Variants in AKAP13 observed in about 807,000 individuals in gnomAD.
AKAP13 encodes the protein A-kinase anchoring protein 13, also known as A-kinase anchor protein 13.
AKAP13 carries 80 observed loss-of-function variants against 264.5 expected under a neutral mutation model. The observed-to-expected ratio is 0.30, with a 90% confidence interval of 0.25 to 0.36. The LOEUF is 0.36. AKAP13 is among the 10% of genes least tolerant of loss of function. The pLI is 1.00. For missense variants in AKAP13, 3,712 were observed against 3,435.2 expected (o/e 1.08, Z -2.01); for synonymous variants, 1,380 against 1,250.2 (o/e 1.10, Z -2.19).
chr15:85,489,030 A>C (rs2075652427), intron 2 of AKAP13, among the ~76,000 whole-genome samples: 1 of 152,250 alleles, frequency 6.6e-6, no homozygotes, highest in South Asian at 2.1e-4. Flanking sequence ...TCTTGCCATC[A>C]TGGAGCCTGA....
chr15:85,436,820 G>C (rs949612206), intron 1 of AKAP13, among the ~76,000 whole-genome samples: 61 of 152,142 alleles, frequency 4.0e-4, no homozygotes, highest in African/African-American at 1.4e-3. Context: ...TCAAAGCAGT[G>C]TGTAGAGGGA....
chr15:85,645,400 T>G (rs2082507751), intron 9 of AKAP13, among the ~76,000 whole-genome samples: 1 of 152,186 alleles, frequency 6.6e-6, no homozygotes, highest in South Asian at 2.1e-4. Context: ...ACCTATAAGT[T>G]TAAAACAAAC....
Position 85,538,703 on chromosome 15 carries a change from A to G in AKAP13, c.478+4823A>G, listed in dbSNP as rs1177081568. 2.7e-5 allele frequency among the ~76,000 whole-genome samples: 4 copies of G among 150,900 alleles called. No homozygotes were observed. In the East Asian group the frequency reaches 7.8e-4, roughly 30 times the overall value. ...ACGGGGTTTCACTGTGTTAGCCAGGATGGTCTCGATCTCCTGACCTCGTGA... is the reference window on the plus strand; with the variant it reads ...ACGGGGTTTCACTGTGTTAGCCAGGGTGGTCTCGATCTCCTGACCTCGTGA... On this transcript the variant is annotated intron_variant, in intron 4 of 36. Transcript: ENST00000394518.
intron 8 of AKAP13, chr15:85,620,021 T>TG: frequency 6.5e-7 from 1 of 1,531,128 alleles, no homozygotes; most frequent in Non-Finnish European, 8.7e-7. Context: ...ACTAAGGACT[T>TG]GCACTGGTCC....
chr15:85,540,913 G>C (rs1227275013), intron 4 of AKAP13, among the ~76,000 whole-genome samples: 1 of 152,216 alleles, frequency 6.6e-6, no homozygotes, highest in Non-Finnish European at 1.5e-5. Context: ...TCTCAAACAT[G>C]CTCATCGAAG....
At chr15:85,655,313 C>G (rs747248749) in intron 10 of AKAP13, 104 bp from the exon 11 acceptor site, 1 of 1,423,884 alleles carries the variant, frequency 7.0e-7, no homozygotes, top group Non-Finnish European at 9.4e-7. Context: ...TATGATCTTA[C>G]CTGCCTGGAA....
intron 8 of AKAP13, among the ~76,000 whole-genome samples, chr15:85,592,982 A>C (rs1012931950): frequency 4.6e-5 from 7 of 152,188 alleles, no homozygotes; most frequent in Admixed American, 2.6e-4. Context: ...GTTAATCTCT[A>C]GTTTCTTCCA....
intron 5 of AKAP13, among the ~76,000 whole-genome samples, chr15:85,546,048 G>A (rs981824945): frequency 2.0e-5 from 3 of 151,958 alleles, no homozygotes; most frequent in Admixed American, 6.6e-5. Flanking sequence ...CCCATTCTAG[G>A]TACCTCATAT....
chr15:85,512,404 CCT>C (rs1392356725), intron 2 of AKAP13, among the ~76,000 whole-genome samples: 1 of 152,074 alleles, frequency 6.6e-6, no homozygotes, highest in African/African-American at 2.4e-5. Flanking sequence ...TTCTTAGCAC[CCT>C]CTTTCTCCTA....
chr15:85,432,518 T>C (rs2150928107), intron 1 of AKAP13, among the ~76,000 whole-genome samples: 1 of 152,290 alleles, frequency 6.6e-6, no homozygotes, highest in East Asian at 1.9e-4. Context: ...ATTGATGTCT[T>C]TACTATTCTG....
At chr15:85,690,698 G>T (rs1422269981) in intron 16 of AKAP13, among the ~76,000 whole-genome samples, 1 of 152,146 alleles carries the variant, frequency 6.6e-6, no homozygotes, top group Non-Finnish European at 1.5e-5. Context: ...GAAGACCTGG[G>T]TTCCCATTTT....
intron 1 of AKAP13, among the ~76,000 whole-genome samples, chr15:85,391,033 G>A (rs2070829598): frequency 6.6e-6 from 1 of 152,176 alleles, no homozygotes; most frequent in Non-Finnish European, 1.5e-5. Context: ...GGGAGAGTGG[G>A]AGGTTTTAGT....
chr15:85,459,343 G>A lies in AKAP13; in HGVS notation c.-11-26367G>A, dbSNP rs758702723. ...TGGAATTACAGGTGCCCGCCACCAC[G>A]CCCGGCTAATTTTTTTTTTTTTTTT... On this transcript the variant is annotated intron_variant, in intron 1 of 36. Coordinates refer to ENST00000394518, the MANE Select transcript of AKAP13 (RefSeq NM_007200.5). Among the ~76,000 whole-genome samples, 284 of 149,686 alleles carry A rather than the reference G, an allele frequency of 1.9e-3. 1 individual carries two copies. Among genetic ancestry groups the A allele is most frequent in the Non-Finnish European group, 3.4e-3 (228 of 67,438 alleles).
intron 1 of AKAP13, among the ~76,000 whole-genome samples, chr15:85,444,654 T>G (rs1384963687): frequency 6.6e-6 from 1 of 152,198 alleles, no homozygotes; most frequent in Non-Finnish European, 1.5e-5. Flanking sequence ...GACTACAGAA[T>G]CAGTCTTAAT....
intron 1 of AKAP13, among the ~76,000 whole-genome samples, chr15:85,447,362 C>T (rs2073936866): frequency 1.3e-5 from 2 of 150,934 alleles, no homozygotes; most frequent in Non-Finnish European, 2.9e-5. Context: ...TGATTTTTAA[C>T]TCCTTTTTTA....
chr15:85,572,804 T>C (rs1366694070), intron 5 of AKAP13, among the ~76,000 whole-genome samples: 1 of 152,228 alleles, frequency 6.6e-6, no homozygotes, highest in Non-Finnish European at 1.5e-5. Context: ...TTTCTGCTAA[T>C]GCTCTCCCTC....
chr15:85,665,725 G>A (rs1429840159), intron 13 of AKAP13, among the ~76,000 whole-genome samples: 1 of 151,730 alleles, frequency 6.6e-6, no homozygotes, highest in South Asian at 2.1e-4. Context: ...TCCCCGCCCC[G>A]TGTCCAAGTG....
intron 17 of AKAP13, among the ~76,000 whole-genome samples, chr15:85,696,672 C>A (rs942106824): frequency 1.3e-5 from 2 of 152,148 alleles, no homozygotes; most frequent in African/African-American, 4.8e-5. Flanking sequence ...GACTAGATAC[C>A]TGCCTTCTGC....
chr15:85,622,664 A>G (rs529150121), intron 8 of AKAP13, among the ~76,000 whole-genome samples: 1 of 152,324 alleles, frequency 6.6e-6, no homozygotes, highest in African/African-American at 2.4e-5. Context: ...ACAGGCATAT[A>G]GTGTTTACAT....
Sources: gnomAD v4.1 joint callset for allele counts (sites outside exome capture counted in the v4.1 genomes callset) on GRCh38, gnomAD v4.1.1 for gene constraint, MANE v1.5 for transcripts, NCBI Gene and HGNC (gene_info 2026-07-23, HGNC 2026-07-21) for gene names.